The following SLC22A25 variants were observed in gnomAD, a reference collection of about 807,000 sequenced individuals.
The protein encoded by SLC22A25 is solute carrier family 22 member 25.
Under a neutral mutation model 45.9 loss-of-function variants are expected in SLC22A25, and 44 were observed. The observed-to-expected ratio is 0.96, with a 90% confidence interval of 0.75 to 1.23. The LOEUF is 1.23. Among genes scored for constraint, SLC22A25 ranks in the 50% most tolerant of loss-of-function variants. SLC22A25 has a pLI of 0.00. For missense variants in SLC22A25, 800 were observed against 666.4 expected, an observed-to-expected ratio of 1.20 and a Z score of -2.21; for synonymous variants, 283 against 238.6, an observed-to-expected ratio of 1.19 and a Z score of -1.72.
chr11:63,207,698 C>A (rs958437803), intron 7 of SLC22A25, among the ~76,000 whole-genome samples: 23 of 152,264 alleles, frequency 1.5e-4, no homozygotes, highest in African/African-American at 5.5e-4. Context: ...GCCTATTTTT[C>A]TGTGGCTAGT....
chr11:63,179,791 G>A lies in SLC22A25; in HGVS notation c.1070+869C>T, dbSNP rs143231855. 6.1e-4 allele frequency among the ~76,000 whole-genome samples: 93 copies of A among 152,208 alleles called. No individual in the cohort carries two copies. The East Asian group carries it at 0.016, about 26-fold the overall frequency. The stretch of plus-strand genomic sequence containing the variant: ...TCAAGTTGTGCATATTCTTTTCATT[G>A]CACTGAGCTGTGTGAGTCACAGCTT... On this transcript the variant is annotated intron_variant, in intron 9 of 11. Transcript: ENST00000306494.
chr11:63,217,224 A>G (rs2089734453), intron 7 of SLC22A25, 90 bp downstream of exon 7: 1 of 1,442,988 alleles, frequency 6.9e-7, no homozygotes, highest in Non-Finnish European at 9.4e-7. Context: ...TCAAGGCTAG[A>G]TAGAGGATCA....
chr11:63,235,489 G>T (rs2090147512), intron 3 of SLC22A25, among the ~76,000 whole-genome samples: 1 of 152,110 alleles, frequency 6.6e-6, no homozygotes, highest in Admixed American at 6.6e-5. Context: ...ATTGTTTTCG[G>T]CTTCATCAGG....
At chr11:63,233,310 G>C (rs577011059) in intron 3 of SLC22A25, among the ~76,000 whole-genome samples, 4 of 152,286 alleles carry the variant, frequency 2.6e-5, no homozygotes, top group African/African-American at 9.6e-5. Context: ...CTCAATTTCA[G>C]AGCCTGTTAT....
chr11:63,166,101 T>A lies in SLC22A25; in HGVS notation c.1228A>T (p.Met410Leu), dbSNP rs772984481. ...GTTGCCAGTAGGAACATGAGAAGCA[T>A]CTGGCTTAGTCGACGGCTCATGTGA... ...LNHMSRRLSQ[M>L]LLMFLLATCL... The change falls in exon 10 of 12, where the codon ATG becomes TTG. Residue 410 changes from methionine (M) to leucine (L), a missense_variant. By Grantham distance (15) the Met-to-Leu change is conservative. Coordinates refer to ENST00000306494, the MANE Select transcript of SLC22A25 (RefSeq NM_199352.6). The A allele has an allele frequency of 6.8e-6, 11 of 1,613,878 alleles. No homozygotes were observed. In the Admixed American group the frequency reaches 1.7e-4, roughly 24 times the overall value.
At chr11:63,225,660 A>G (rs753008313) in intron 5 of SLC22A25, among the ~76,000 whole-genome samples, 7 of 152,120 alleles carry the variant, frequency 4.6e-5, no homozygotes, top group Admixed American at 6.6e-5. Flanking sequence ...GTACTTGAAT[A>G]TTGATATCTT....
chr11:63,187,074 C>G (rs371380502), intron 7 of SLC22A25, among the ~76,000 whole-genome samples: 2 of 152,042 alleles, frequency 1.3e-5, no homozygotes, highest in Admixed American at 6.6e-5. Context: ...TTTTCCAATT[C>G]TATGAAGAAA....
chr11:63,237,328 A>AAT (rs2090181881), intron 3 of SLC22A25, among the ~76,000 whole-genome samples: 1 of 152,212 alleles, frequency 6.6e-6, no homozygotes, highest in African/African-American at 2.4e-5. Context: ...GAAATAAAAA[A>AAT]AGAGACGAGA....
chr11:63,219,302 T>C (rs977102355), intron 5 of SLC22A25, among the ~76,000 whole-genome samples: 11 of 152,156 alleles, frequency 7.2e-5, no homozygotes, highest in Non-Finnish European at 1.2e-4. Context: ...TACCAACTGC[T>C]ATATAGATTT....
At position 63,217,357 on chromosome 11, in the gene SLC22A25, A is replaced by G. The variant is rs532781586; in HGVS notation, c.787T>C (p.Leu263=). ...FVIRDQCILQ[L]VMSAPCFVFF... Reference sequence around the variant, plus strand: ...ACAAAGCATGGTGCAGACATCACCAACTGGAGGATGCACTGGTCTCGAATG... The same window carrying G: ...ACAAAGCATGGTGCAGACATCACCAGCTGGAGGATGCACTGGTCTCGAATG... Residue 263 remains leucine, a synonymous_variant, in exon 7 of 12, where the codon TTG becomes CTG. Transcript: ENST00000306494. 2.0e-5 allele frequency: 32 copies of G among 1,614,004 alleles called. No homozygotes were observed. Among genetic ancestry groups the G allele is most frequent in the East Asian group, 8.9e-5 (4 of 44,850 alleles).
intron 7 of SLC22A25, among the ~76,000 whole-genome samples, chr11:63,190,934 G>T (rs531388599): frequency 6.6e-6 from 1 of 152,294 alleles, no homozygotes; most frequent in East Asian, 1.9e-4. Context: ...GTACCCAGCC[G>T]TGTGAGGTGT....
At chr11:63,198,826 T>C (rs2089145190) in intron 7 of SLC22A25, among the ~76,000 whole-genome samples, 7 of 152,268 alleles carry the variant, frequency 4.6e-5, no homozygotes, top group Admixed American at 4.6e-4. Context: ...AAGGAAATTA[T>C]GGCAGAAATC....
Position 63,166,100 on chromosome 11 carries a change from A to T in SLC22A25, c.1229T>A (p.Met410Lys). 1.2e-6 allele frequency: 2 copies of T among 1,614,046 alleles called. No homozygotes were observed. Among genetic ancestry groups the T allele is most frequent in the Middle Eastern group, 3.3e-4 (2 of 6,060 alleles). ...GGTTGCCAGTAGGAACATGAGAAGCATCTGGCTTAGTCGACGGCTCATGTG... is the reference window on the plus strand; with the variant it reads ...GGTTGCCAGTAGGAACATGAGAAGCTTCTGGCTTAGTCGACGGCTCATGTG... Reference protein sequence around the residue: ...LNHMSRRLSQMLLMFLLATCL... With the variant: ...LNHMSRRLSQKLLMFLLATCL... Residue 410 changes from methionine (M) to lysine (K), a missense_variant, in exon 10 of 12, where the codon ATG (methionine) becomes AAG (lysine). Coordinates refer to ENST00000306494, the MANE Select transcript of SLC22A25 (RefSeq NM_199352.6).
chr11:63,238,188 A>T (rs539573714), intron 2 of SLC22A25, among the ~76,000 whole-genome samples, 176 bp from the exon 3 acceptor site: 1 of 152,324 alleles, frequency 6.6e-6, no homozygotes, highest in African/African-American at 2.4e-5. Context: ...TCTCAGCTTC[A>T]ACAACTTTCT....
intron 7 of SLC22A25, among the ~76,000 whole-genome samples, chr11:63,209,510 A>G (rs983518593): frequency 5.9e-5 from 9 of 152,100 alleles, no homozygotes; most frequent in African/African-American, 2.2e-4. Flanking sequence ...TGAAAGAGTA[A>G]CAGAAGCCCC....
In SLC22A25 at chr11:63,161,742, G is replaced by A. The variant is rs558310165; in HGVS notation, c.*2082C>T. Reference sequence around the variant, plus strand: ...TTCCTTTGTAAATTATCCAGTCTCAGGTATGTTTTTAACAGCAGCTTGAAA... The same window carrying A: ...TTCCTTTGTAAATTATCCAGTCTCAAGTATGTTTTTAACAGCAGCTTGAAA... On this transcript the variant is annotated 3_prime_UTR_variant, in exon 12 of 12. Transcript: ENST00000306494. Among the ~76,000 whole-genome samples, 13 of 152,308 alleles carry A rather than the reference G, an allele frequency of 8.5e-5. No individual in the cohort carries two copies. In the South Asian group the frequency reaches 2.5e-3, roughly 29 times the overall value.
intron 7 of SLC22A25, among the ~76,000 whole-genome samples, chr11:63,209,322 C>A (rs2089495239): frequency 6.6e-6 from 1 of 152,104 alleles, no homozygotes; most frequent in Admixed American, 6.5e-5. Context: ...TAGCATCTCC[C>A]AGGAAAAGGA....
chr11:63,212,241 A>AG (rs1554981420), intron 7 of SLC22A25, among the ~76,000 whole-genome samples: 3 of 150,522 alleles, frequency 2.0e-5, no homozygotes, highest in Admixed American at 1.3e-4. Context: ...TAGTTCAACC[A>AG]TGTGGAAGAC....
intron 6 of SLC22A25, 33 bp from the exon 7 acceptor site, chr11:63,217,515 A>G (rs746756789): frequency 6.2e-7 from 1 of 1,611,802 alleles, no homozygotes; most frequent in Admixed American, 1.7e-5. Flanking sequence ...TTTAGCTTTA[A>G]ATACAGGTGG....
Sources: allele counts gnomAD v4.1 joint callset (sites outside exome capture counted in the v4.1 genomes callset), GRCh38; gene constraint gnomAD v4.1.1; transcripts MANE v1.5; gene names NCBI Gene and HGNC (gene_info 2026-07-23, HGNC 2026-07-21).